Variants in NBPF11 observed in about 807,000 individuals in gnomAD.
NBPF11 encodes NBPF member 11.
A neutral mutation model predicts 93.9 loss-of-function variants in NBPF11; 72 were observed. The observed-to-expected ratio is 0.77, with a 90% CI of 0.63 to 0.93. The LOEUF is 0.93. NBPF11 is among the 40% of genes least tolerant of loss of function. The pLI, the probability that NBPF11 is intolerant of heterozygous loss-of-function variation, is 0.00. For missense variants in NBPF11, 705 were observed against 802.2 expected (o/e 0.88, Z 1.46); for synonymous variants, 224 against 304.9 (o/e 0.73, Z 2.76).
chr1:148,121,700 T>G (rs1667910280), intron 9 of NBPF11, among the ~76,000 whole-genome samples: 1 of 151,278 alleles, frequency 6.6e-6, no homozygotes, highest in African/African-American at 2.4e-5. Context: ...GGAGAGAGAG[T>G]CTAGCCTGAC....
intron 1 of NBPF11, chr1:148,146,910 C>T: frequency 1.2e-6 from 2 of 1,612,228 alleles, no homozygotes; most frequent in Non-Finnish European, 1.7e-6. Flanking sequence ...CCTGGCAGGC[C>T]CTGCGCACCA....
intron 17 of NBPF11, 127 bp downstream of exon 17, chr1:148,109,157 G>A (rs1379896604): frequency 1.3e-6 from 1 of 792,186 alleles, no homozygotes; most frequent in Non-Finnish European, 2.3e-6. Flanking sequence ...AAAAAACAAT[G>A]CAGTAGGCAT....
intron 10 of NBPF11, among the ~76,000 whole-genome samples, chr1:148,119,650 T>A (rs1339501617): frequency 2.0e-5 from 3 of 151,972 alleles, no homozygotes; most frequent in African/African-American, 7.3e-5. Context: ...TTTATTCTTA[T>A]TTTTATTTAT....
chr1:148,125,401 C>CT (rs1668880592), intron 5 of NBPF11, among the ~76,000 whole-genome samples: 1 of 151,956 alleles, frequency 6.6e-6, no homozygotes, highest in African/African-American at 2.4e-5. Context: ...GACTATGGGA[C>CT]TGATGGTTTC....
intron 4 of NBPF11, among the ~76,000 whole-genome samples, chr1:148,129,143 C>A (rs1669789259): frequency 7.1e-6 from 1 of 141,492 alleles, no homozygotes; most frequent in Non-Finnish European, 1.5e-5. Context: ...TATATATACA[C>A]ATGTATATAT....
chr1:148,126,031 T>C (rs1413703179), intron 5 of NBPF11, among the ~76,000 whole-genome samples: 3 of 151,998 alleles, frequency 2.0e-5, no homozygotes, highest in Admixed American at 2.0e-4. Flanking sequence ...TGACGAGTCT[T>C]GCCCTGTCAC....
rs1238910651 is a variant in NBPF11, at chr1:148,141,349, C to A, written c.-277+2066G>T. ...TGGTTCATCAATTGTAACGAATGGACCACACTAATACAACATACTAATAGG... is the reference window on the plus strand; with the variant it reads ...TGGTTCATCAATTGTAACGAATGGAACACACTAATACAACATACTAATAGG... On this transcript the variant is annotated intron_variant, in intron 2 of 23. Coordinates refer to ENST00000682118, the MANE Select transcript of NBPF11 (RefSeq NM_001385469.3). Among the ~76,000 whole-genome samples the A allele has an allele frequency of 3.6e-3, 551 of 152,124 alleles. 15 individuals carry two copies. In the East Asian group the frequency reaches 0.04, roughly 11 times the overall value.
chr1:148,107,417 G>A (rs1377953256), intron 19 of NBPF11, among the ~76,000 whole-genome samples: 13 of 151,266 alleles, frequency 8.6e-5, no homozygotes, highest in Admixed American at 4.6e-4. Context: ...GACACACAGC[G>A]AACAGTGATC....
intron 8 of NBPF11, 102 bp downstream of exon 8, chr1:148,122,627 G>A (rs1407667521): frequency 6.6e-7 from 1 of 1,523,790 alleles, no homozygotes; most frequent in Non-Finnish European, 9.1e-7. Context: ...GTGGCCAAGG[G>A]AATGCGGGCT....
chr1:148,141,960 AG>A lies in NBPF11; in HGVS notation c.-277+1454del, dbSNP rs1672237646. On this transcript the variant is annotated intron_variant, in intron 2 of 23. Coordinates refer to ENST00000682118, the MANE Select transcript of NBPF11 (RefSeq NM_001385469.3). ...AAGAAAAAGAGAGAGCATGAGAGAG[AG>A]AGAAAGAAAAAGAAGAAAGGAAAGA... Among the ~76,000 whole-genome samples the A allele has an allele frequency of 6.0e-3, 880 of 147,384 alleles. 11 individuals carry two copies. Among genetic ancestry groups the A allele is most frequent in the Non-Finnish European group, 7.6e-3 (509 of 66,840 alleles).
Position 148,122,783 on chromosome 1 carries a change from T to C in NBPF11, c.512A>G (p.Asp171Gly). The change falls in exon 8 of 24, where the codon GAT becomes GGT. Residue 171 changes from aspartate to glycine, a missense_variant. Coordinates refer to ENST00000682118, the MANE Select transcript of NBPF11 (RefSeq NM_001385469.3). ...KLSPENDEDEDEDVQVEEDEK... is the reference protein window; with the variant it reads ...KLSPENDEDEGEDVQVEEDEK... ...ATCCTCCTCAACTTGAACATCTTCA[T>C]CCTCATCTTCGTCATTTTCTATAAA... The C allele has an allele frequency of 6.2e-7, 1 of 1,609,958 alleles. No individual in the cohort carries two copies. The highest frequency in any genetic ancestry group is 1.1e-5 in the South Asian group (1 of 90,936).
intron 12 of NBPF11, among the ~76,000 whole-genome samples, chr1:148,117,026 C>G (rs1172015133): frequency 6.6e-6 from 1 of 152,108 alleles, no homozygotes; most frequent in Non-Finnish European, 1.5e-5. Context: ...TGAAGCACTT[C>G]CTACCACAAA....
intron 1 of NBPF11, among the ~76,000 whole-genome samples, chr1:148,147,432 G>A (rs1673358302): frequency 6.6e-6 from 1 of 152,032 alleles, no homozygotes; most frequent in African/African-American, 2.4e-5. Context: ...CCGAGGTCTG[G>A]GCCAGCCTCG....
chr1:148,127,721 C>T (rs1159509424), intron 4 of NBPF11, among the ~76,000 whole-genome samples: 1 of 140,692 alleles, frequency 7.1e-6, no homozygotes, highest in African/African-American at 2.7e-5. Context: ...AGGCTCACTG[C>T]AAGCTCTGCC....
intron 1 of NBPF11, among the ~76,000 whole-genome samples, chr1:148,145,102 GA>G (rs1288214652): frequency 6.6e-5 from 9 of 136,118 alleles, no homozygotes; most frequent in South Asian, 2.3e-4. Context: ...GACCCTGTCT[GA>G]AAAAAAAAAA....
chr1:148,120,482 G>C lies in NBPF11; in HGVS notation c.988+19C>G. 5 of 902,646 alleles carry C rather than the reference G, an allele frequency of 5.5e-6. No individual in the cohort carries two copies. The highest frequency in any genetic ancestry group is 9.4e-6 in the Non-Finnish European group (5 of 530,772). The allele number at this position is 902,646 out of a possible 1,614,324, so 55.9% of individuals were successfully genotyped here. A position where few individuals can be genotyped will look rare whatever the true frequency, so the allele number is the denominator to read the frequency against. ...GACTTCGTTCATCACTTTCGTGATG[G>C]TGAGCATATAGATCTTACTGTATTT... is the stretch of plus-strand genomic sequence containing the variant. On this transcript the variant is annotated intron_variant, in intron 10 of 23. Transcript: ENST00000682118.
rs1431876284 is a variant in NBPF11 at position 148,146,805 on chromosome 1, C to T, written c.-548-3119G>A. The T allele has an allele frequency of 3.1e-6, 5 of 1,613,420 alleles. No individual in the cohort carries two copies. In the African/African-American group the frequency reaches 5.3e-5, roughly 17 times the overall value. ...GCTTCTACATTGGCCTGGGCTCCCG[C>T]CTCCACTGCAACATCTTCACCTACG... On this transcript the variant is annotated intron_variant, in intron 1 of 23. Transcript: ENST00000682118.
In NBPF11 at chr1:148,103,836, A is replaced by C. The variant is rs1662857336; in HGVS notation, c.*60T>G. ...GAGTCAGGTAGTTCAAAGTACATTG[A>C]TGGAGTCGAATAATATCTATCCAGT... is the stretch of plus-strand genomic sequence containing the variant. On this transcript the variant is annotated 3_prime_UTR_variant, in exon 24 of 24. Coordinates refer to ENST00000682118, the MANE Select transcript of NBPF11 (RefSeq NM_001385469.3). 6.2e-7 allele frequency: 1 copy of C among 1,611,416 alleles called. No individual in the cohort carries two copies. Among genetic ancestry groups the C allele is most frequent in the African/African-American group, 1.3e-5 (1 of 74,684 alleles).
intron 7 of NBPF11, 27 bp from the exon 8 acceptor site, chr1:148,122,828 T>C: frequency 6.2e-7 from 1 of 1,609,452 alleles, no homozygotes; most frequent in Non-Finnish European, 8.5e-7. Flanking sequence ...TTCGTTCAGA[T>C]ATTTCCCACT....
Sources: gnomAD v4.1 joint callset for allele counts (sites outside exome capture counted in the v4.1 genomes callset) on GRCh38, gnomAD v4.1.1 for gene constraint, MANE v1.5 for transcripts, NCBI Gene and HGNC (gene_info 2026-07-23, HGNC 2026-07-21) for gene names.